PCDH9: variants seen among roughly 807,000 people sequenced by gnomAD.
The protein encoded by PCDH9 is protocadherin 9, also known as protocadherin-9.
Under a neutral mutation model 70.6 loss-of-function variants are expected in PCDH9, and 24 were observed. The observed-to-expected ratio is 0.34, with a 90% CI of 0.25 to 0.48. PCDH9 has a LOEUF of 0.48. PCDH9 is among the 20% of genes least tolerant of loss of function. PCDH9 has a pLI of 0.99. For missense variants in PCDH9, 1,281 were observed against 1,503.6 expected (o/e 0.85, Z 2.45); for synonymous variants, 562 against 558.5 (o/e 1.01, Z -0.09).
chr13:66,762,270 C>T (rs143397088), intron 3 of PCDH9, among the ~76,000 whole-genome samples: 1 of 152,220 alleles, frequency 6.6e-6, no homozygotes, highest in East Asian at 1.9e-4. Context: ...GGTGACTGCA[C>T]TTGGCTGGTG....
At chr13:66,697,454 G>A (rs1047934393) in intron 3 of PCDH9, among the ~76,000 whole-genome samples, 3 of 152,112 alleles carry the variant, frequency 2.0e-5, no homozygotes, top group South Asian at 2.1e-4. Context: ...ACTTTATAAC[G>A]CCATATTCTA....
chr13:66,777,215 C>G (rs1454047091), intron 3 of PCDH9, among the ~76,000 whole-genome samples: 1 of 151,986 alleles, frequency 6.6e-6, no homozygotes, highest in African/African-American at 2.4e-5. Flanking sequence ...AGGACACAGG[C>G]ATGGGCAAGG....
At chr13:66,708,814 A>G (rs1403186667) in intron 3 of PCDH9, among the ~76,000 whole-genome samples, 1 of 152,170 alleles carries the variant, frequency 6.6e-6, no homozygotes, top group African/African-American at 2.4e-5. Context: ...CTTCAAAACT[A>G]ACACCCAAGA....
intron 4 of PCDH9, among the ~76,000 whole-genome samples, chr13:66,345,256 G>A (rs912556877): frequency 2.6e-5 from 4 of 152,160 alleles, no homozygotes; most frequent in African/African-American, 9.7e-5. Flanking sequence ...TCTCTCAGAT[G>A]ATATATGCTG....
At chr13:66,542,928 T>C (rs1423336871) in intron 4 of PCDH9, among the ~76,000 whole-genome samples, 2 of 151,210 alleles carry the variant, frequency 1.3e-5, no homozygotes, top group East Asian at 3.9e-4. Flanking sequence ...GTCATCATAA[T>C]AAAGGAAATT....
At chr13:66,693,496 G>T (rs2078516790) in intron 3 of PCDH9, among the ~76,000 whole-genome samples, 2 of 152,200 alleles carry the variant, frequency 1.3e-5, no homozygotes, top group Non-Finnish European at 2.9e-5. Flanking sequence ...ATTAGTAAAT[G>T]ATCATAATTC....
intron 3 of PCDH9, among the ~76,000 whole-genome samples, chr13:66,798,620 C>T (rs1216550870): frequency 6.6e-6 from 1 of 152,124 alleles, no homozygotes; most frequent in South Asian, 2.1e-4. Context: ...GGGCAACTGA[C>T]CTCAGGGCTG....
chr13:67,082,611 A>G (rs948427580), intron 2 of PCDH9, among the ~76,000 whole-genome samples: 1 of 152,152 alleles, frequency 6.6e-6, no homozygotes, highest in Non-Finnish European at 1.5e-5. Context: ...CTTTTGCTTA[A>G]TATGTCTCTG....
rs187281091 is a variant in PCDH9, at chr13:66,481,375, T to A, written c.3340+149835A>T. 1.8e-3 allele frequency among the ~76,000 whole-genome samples: 279 copies of A among 151,230 alleles called. 1 individual carries two copies. Among genetic ancestry groups the A allele is most frequent in the African/African-American group, 6.4e-3 (265 of 41,212 alleles). ...CATCACCCTGATGAGTCAGCAGCCA[T>A]CAACATTGAGGCAGTACCCTCTAAC... On this transcript the variant is annotated intron_variant, in intron 4 of 4. Transcript: ENST00000377865.
intron 2 of PCDH9, among the ~76,000 whole-genome samples, chr13:67,140,156 G>C (rs1387837935): frequency 1.3e-5 from 2 of 151,152 alleles, no homozygotes; most frequent in African/African-American, 4.9e-5. Flanking sequence ...AACACTTTTA[G>C]TCAATTATTG....
At chr13:66,418,589 CA>C (rs748754091) in intron 4 of PCDH9, among the ~76,000 whole-genome samples, 17 of 152,084 alleles carry the variant, frequency 1.1e-4, no homozygotes, top group Non-Finnish European at 2.4e-4. Flanking sequence ...ACAGCTAAAT[CA>C]GTGTTTAGAG....
intron 4 of PCDH9, among the ~76,000 whole-genome samples, chr13:66,335,955 GCA>G (rs771523922): frequency 1.2e-3 from 176 of 152,248 alleles, no homozygotes; most frequent in Non-Finnish European, 1.8e-3. Flanking sequence ...TTTTGGCAGA[GCA>G]CACACTGGAA....
At chr13:66,780,983 G>A (rs561752986) in intron 3 of PCDH9, among the ~76,000 whole-genome samples, 1 of 152,252 alleles carries the variant, frequency 6.6e-6, no homozygotes, top group South Asian at 2.1e-4. Flanking sequence ...ACTAAAGACT[G>A]TGGGATGCGG....
At chr13:66,633,189 G>A (rs2077594096) in intron 3 of PCDH9, among the ~76,000 whole-genome samples, 2 of 152,110 alleles carry the variant, frequency 1.3e-5, no homozygotes, top group Non-Finnish European at 2.9e-5. Context: ...ATGAACTGAT[G>A]CCAACATCAC....
At chr13:67,140,802 A>G (rs1007290638) in intron 2 of PCDH9, among the ~76,000 whole-genome samples, 2 of 152,328 alleles carry the variant, frequency 1.3e-5, no homozygotes, top group South Asian at 2.1e-4. Context: ...ACTATGAGCC[A>G]TGTGCAGCAC....
At chr13:67,129,997 G>A (rs2087072498) in intron 2 of PCDH9, among the ~76,000 whole-genome samples, 1 of 152,100 alleles carries the variant, frequency 6.6e-6, no homozygotes. Flanking sequence ...TATCAAACAC[G>A]ATAGCAATAG....
intron 3 of PCDH9, among the ~76,000 whole-genome samples, chr13:66,863,428 A>C (rs2081516418): frequency 1.3e-5 from 2 of 152,172 alleles, no homozygotes; most frequent in Admixed American, 1.3e-4. Context: ...GTTTAAATAA[A>C]ACGTATGATT....
intron 4 of PCDH9, among the ~76,000 whole-genome samples, chr13:66,352,132 G>A (rs191955171): frequency 2.1e-4 from 32 of 152,162 alleles, no homozygotes; most frequent in African/African-American, 7.7e-4. Context: ...CACCGTGCCC[G>A]GCCTACACAT....
chr13:66,335,390 AG>A (rs1366454968), intron 4 of PCDH9, among the ~76,000 whole-genome samples: 1 of 152,068 alleles, frequency 6.6e-6, no homozygotes, highest in African/African-American at 2.4e-5. Flanking sequence ...GTAGCTTGTT[AG>A]CTTGTTTAGA....
Sources: gnomAD v4.1 joint callset for allele counts (sites outside exome capture counted in the v4.1 genomes callset) on GRCh38, gnomAD v4.1.1 for gene constraint, MANE v1.5 for transcripts, NCBI Gene and HGNC (gene_info 2026-07-23, HGNC 2026-07-21) for gene names.